Variants in ZNF169 observed in about 807,000 individuals in gnomAD.
ZNF169 encodes the protein zinc finger protein 169.
In ZNF169, 11 loss-of-function variants were observed where a neutral mutation model predicts 12.0. That is an observed-to-expected ratio of 0.92 (90% CI 0.58 to 1.52). The LOEUF is 1.52. Among genes scored for constraint, ZNF169 ranks in the 40% most tolerant of loss-of-function variants. The pLI is 0.00. For synonymous variants in ZNF169, 302 were observed against 286.5 expected, an observed-to-expected ratio of 1.05 and a Z score of -0.55; for missense variants, 722 against 744.0, an observed-to-expected ratio of 0.97 and a Z score of 0.34.
At position 94,270,818 on chromosome 9, in the gene ZNF169, A is replaced by G. The variant is rs1190543049; in HGVS notation, c.-55-7940A>G. ...AAATAATATATATATTATATTATAT[A>G]AATATATATAAAATATATATATTAT... On this transcript the variant is annotated intron_variant, in intron 1 of 4. Transcript: ENST00000395395. 1.5e-4 allele frequency among the ~76,000 whole-genome samples: 3 copies of G among 19,450 alleles called. 1 individual carries two copies. The highest frequency in any genetic ancestry group is 2.0e-4 in the Non-Finnish European group (2 of 9,780). 12.8% of individuals were successfully genotyped at this position (19,450 alleles called of 152,430 possible).
intron 2 of ZNF169, among the ~76,000 whole-genome samples, chr9:94,291,159 A>G (rs62579664): frequency 0.17 from 25,384 of 146,552 alleles, 2,878 homozygotes; most frequent in Non-Finnish European, 0.25. Context: ...GGTTCAAGCA[A>G]TTCTCTGCCT....
rs1490533809 is a variant in ZNF169 at position 94,300,148 on chromosome 9, C to G, written c.590C>G (p.Ser197Ter). 1 of 1,614,072 alleles carries G rather than the reference C, an allele frequency of 6.2e-7. No homozygotes were observed. ...GCCCAAAGGATGAGTCTTGGGGGGT[C>G]AGACACAATGTTGAAGGGAGCAGAC... ...RLAQRMSLGG[S>*]DTMLKGADTS... Residue 197 changes from serine to a stop codon, truncating the protein, a stop_gained, in exon 5 of 5, where the codon TCA (serine) becomes TGA (stop). Transcript: ENST00000395395. LOFTEE classifies it low-confidence loss of function (END_TRUNC).
intron 2 of ZNF169, among the ~76,000 whole-genome samples, chr9:94,279,555 G>T (rs12336378): frequency 6.7e-6 from 1 of 150,322 alleles, no homozygotes; most frequent in East Asian, 2.0e-4. Context: ...CAAGAGAATC[G>T]CTTGAGCCCG....
rs1587665596 is a variant in ZNF169 at position 94,261,434 on chromosome 9, G to A, written c.-56+2089G>A. On this transcript the variant is annotated intron_variant, in intron 1 of 4. Coordinates refer to ENST00000395395, the MANE Select transcript of ZNF169 (RefSeq NM_194320.4). ...ATTACAAGCGTGAGCCACTGCGCCCGGCCAAGACCTACTCTTATTTCTAAC... is the reference window on the plus strand; with the variant it reads ...ATTACAAGCGTGAGCCACTGCGCCCAGCCAAGACCTACTCTTATTTCTAAC... Among the ~76,000 whole-genome samples, 4 of 152,150 alleles carry A rather than the reference G, an allele frequency of 2.6e-5. No homozygotes were observed. The South Asian group carries it at 8.3e-4, about 32-fold the overall frequency.
intron 4 of ZNF169, among the ~76,000 whole-genome samples, chr9:94,296,376 G>T (rs1231203528): frequency 6.6e-6 from 1 of 152,152 alleles, no homozygotes; most frequent in African/African-American, 2.4e-5. Context: ...ATGAAGTCCA[G>T]TTTTCAATCT....
chr9:94,284,296 G>A (rs1216756492), intron 2 of ZNF169, among the ~76,000 whole-genome samples: 9 of 151,716 alleles, frequency 5.9e-5, no homozygotes, highest in Non-Finnish European at 8.8e-5. Context: ...GTGGTGGCAC[G>A]TGCCTGTAAT....
intron 1 of ZNF169, among the ~76,000 whole-genome samples, chr9:94,270,840 T>TTA (rs1207056535): frequency 4.7e-4 from 4 of 8,568 alleles, no homozygotes; most frequent in Non-Finnish European, 1.7e-3. Context: ...AATATATATA[T>TTA]TATATTATAT....
At chr9:94,285,783 G>T (rs1394152070) in intron 2 of ZNF169, among the ~76,000 whole-genome samples, 1 of 152,138 alleles carries the variant, frequency 6.6e-6, no homozygotes. Context: ...GCTGAAGTGG[G>T]CGGGTCACCT....
chr9:94,276,075 C>T (rs1356772262), intron 1 of ZNF169, among the ~76,000 whole-genome samples: 1 of 152,116 alleles, frequency 6.6e-6, no homozygotes, highest in African/African-American at 2.4e-5. Context: ...CCACACCTGG[C>T]CTGCACTCTC....
intron 1 of ZNF169, among the ~76,000 whole-genome samples, chr9:94,274,864 C>T (rs1000607420): frequency 1.3e-5 from 2 of 152,214 alleles, no homozygotes; most frequent in Non-Finnish European, 2.9e-5. Context: ...CCTTCAAGAT[C>T]GTGTGGCTGG....
chr9:94,293,834 CTG>C (rs1342110275), intron 4 of ZNF169: 1 of 152,402 alleles, frequency 6.6e-6, no homozygotes, highest in Admixed American at 6.5e-5. Flanking sequence ...GTGTGAAAAA[CTG>C]TACAATGAGT....
At chr9:94,280,957 G>T (rs7854893) in intron 2 of ZNF169, among the ~76,000 whole-genome samples, 56,603 of 151,892 alleles carry the variant, frequency 0.37, 10,945 homozygotes, top group Middle Eastern at 0.45. Flanking sequence ...GAGGCAAGGG[G>T]GCGAAGAGAA....
At position 94,300,277 on chromosome 9, in the gene ZNF169, G is replaced by A; in HGVS notation, c.719G>A (p.Gly240Glu). The A allele has an allele frequency of 6.2e-7, 1 of 1,614,220 alleles. No homozygotes were observed. Among genetic ancestry groups the A allele is most frequent in the Admixed American group, 1.7e-5 (1 of 60,032 alleles). The change falls in exon 5 of 5, where the codon GGG (glycine) becomes GAG (glutamate). Residue 240 changes from glycine to glutamate, a missense_variant. Gly to Glu is a moderately conservative substitution (Grantham distance 98, BLOSUM62 -2). Coordinates refer to ENST00000395395, the MANE Select transcript of ZNF169 (RefSeq NM_194320.4). ...AAGCATCATGTGTGCCCTGAATGCGGGAGAGGCTTTTGCCAGAGATCAGAC... is the reference window on the plus strand; with the variant it reads ...AAGCATCATGTGTGCCCTGAATGCGAGAGAGGCTTTTGCCAGAGATCAGAC... The part of the protein sequence containing the change: ...HQKHHVCPEC[G>E]RGFCQRSDLI...
chr9:94,272,509 G>A (rs1182183787), intron 1 of ZNF169, among the ~76,000 whole-genome samples: 1 of 151,888 alleles, frequency 6.6e-6, no homozygotes, highest in Admixed American at 6.6e-5. Context: ...AATTACTTTA[G>A]TATTCATATT....
At chr9:94,295,709 G>T (rs1175253419) in intron 4 of ZNF169, 1 of 152,214 alleles carries the variant, frequency 6.6e-6, no homozygotes, top group East Asian at 1.9e-4. Context: ...TATCTATAAT[G>T]TGTGTATCAA....
At chr9:94,270,864 AAT>A (rs1328682391) in intron 1 of ZNF169, among the ~76,000 whole-genome samples, 2,218 of 29,084 alleles carry the variant, frequency 0.076, 316 homozygotes, top group Middle Eastern at 0.18. Context: ...TATATATAAT[AAT>A]ATATATATTA....
intron 1 of ZNF169, among the ~76,000 whole-genome samples, chr9:94,271,710 C>A (rs1220903392): frequency 7.6e-6 from 1 of 131,946 alleles, no homozygotes; most frequent in South Asian, 2.5e-4. Flanking sequence ...CAGGGCAAGA[C>A]TCTGTCTCAA....
intron 2 of ZNF169, among the ~76,000 whole-genome samples, chr9:94,281,095 A>G (rs138465949): frequency 7.9e-4 from 121 of 152,384 alleles, no homozygotes; most frequent in African/African-American, 2.8e-3. Context: ...ATGAAAAGAT[A>G]TAAGCATCTA....
intron 2 of ZNF169, among the ~76,000 whole-genome samples, chr9:94,285,784 C>T (rs1413627370): frequency 2.0e-5 from 3 of 151,954 alleles, no homozygotes; most frequent in Admixed American, 6.6e-5. Context: ...CTGAAGTGGG[C>T]GGGTCACCTG....
Sources: allele counts gnomAD v4.1 joint callset (sites outside exome capture counted in the v4.1 genomes callset), GRCh38; gene constraint gnomAD v4.1.1; transcripts MANE v1.5; gene names NCBI Gene and HGNC (gene_info 2026-07-23, HGNC 2026-07-21).